Variants in EHBP1 observed in about 807,000 individuals in gnomAD.
EHBP1 encodes EH domain binding protein 1, also known as EH domain-binding protein 1.
In EHBP1, 55 loss-of-function variants were observed where a neutral mutation model predicts 144.0. The ratio of observed to expected loss-of-function variants is 0.38; its 90% CI spans 0.31 to 0.48. The LOEUF is 0.48. EHBP1 is among the 20% of genes least tolerant of loss of function. The pLI, the probability that EHBP1 is intolerant of heterozygous loss-of-function variation, is 0.98. For missense variants in EHBP1, 1,200 were observed against 1,364.2 expected (o/e 0.88, Z 1.90); for synonymous variants, 469 against 472.7 (o/e 0.99, Z 0.10).
At chr2:62,822,943 A>G (rs2046088722) in intron 5 of EHBP1, among the ~76,000 whole-genome samples, 1 of 152,144 alleles carries the variant, frequency 6.6e-6, no homozygotes, top group African/African-American at 2.4e-5. Flanking sequence ...AAAATAAGTG[A>G]CATTTTTAAA....
chr2:62,781,854 A>G (rs931068647), intron 5 of EHBP1, among the ~76,000 whole-genome samples: 3 of 152,234 alleles, frequency 2.0e-5, no homozygotes, highest in East Asian at 1.9e-4. Context: ...AAAATAAGCT[A>G]TATCAGCTGA....
chr2:62,807,592 T>G (rs1410205702), intron 5 of EHBP1, among the ~76,000 whole-genome samples: 1 of 152,168 alleles, frequency 6.6e-6, no homozygotes, highest in Non-Finnish European at 1.5e-5. Flanking sequence ...CCTTCATTTA[T>G]TTCTCCTTTG....
intron 3 of EHBP1, among the ~76,000 whole-genome samples, chr2:62,757,426 C>CTTTTTTTTTTTTTTTTTT (rs555494268): frequency 1.2e-4 from 14 of 113,038 alleles, no homozygotes; most frequent in Non-Finnish European, 2.0e-4. Context: ...TTTTTTTTTT[C>CTTTTTTTTTTTTTTTTTT]TTTTTTTTTT....
chr2:63,016,145 A>G (rs1034841816), intron 19 of EHBP1, among the ~76,000 whole-genome samples: 1 of 152,210 alleles, frequency 6.6e-6, no homozygotes, highest in African/African-American at 2.4e-5. Flanking sequence ...CTACAAAGTG[A>G]ATTTTTAACA....
At chr2:62,974,345 G>A (rs150618620) in intron 14 of EHBP1, among the ~76,000 whole-genome samples, 2 of 152,178 alleles carry the variant, frequency 1.3e-5, no homozygotes, top group African/African-American at 2.4e-5. Context: ...ATGACTAGTC[G>A]AGATTGTTTT....
intron 10 of EHBP1, among the ~76,000 whole-genome samples, chr2:62,877,946 C>T (rs534661777): frequency 2.6e-5 from 4 of 152,072 alleles, no homozygotes; most frequent in African/African-American, 4.8e-5. Context: ...ACAAACCAAC[C>T]GAAAGCTAGC....
intron 5 of EHBP1, among the ~76,000 whole-genome samples, chr2:62,774,626 A>G (rs1018987838): frequency 2.0e-5 from 3 of 152,096 alleles, no homozygotes; most frequent in African/African-American, 7.2e-5. Flanking sequence ...ATGGTGGTGT[A>G]TAAAACATAT....
At chr2:62,882,314 G>A (rs1348953851) in intron 10 of EHBP1, among the ~76,000 whole-genome samples, 1 of 152,018 alleles carries the variant, frequency 6.6e-6, no homozygotes, top group Non-Finnish European at 1.5e-5. Flanking sequence ...AGAGAAAGAG[G>A]GAAAAATGCT....
intron 5 of EHBP1, among the ~76,000 whole-genome samples, chr2:62,800,456 A>G (rs1573417189): frequency 1.3e-5 from 2 of 152,292 alleles, no homozygotes; most frequent in Admixed American, 6.5e-5. Flanking sequence ...TAAAAATTCC[A>G]GGACTGTATC....
At chr2:62,680,108 T>G (rs2033459009) in intron 1 of EHBP1, among the ~76,000 whole-genome samples, 1 of 152,208 alleles carries the variant, frequency 6.6e-6, no homozygotes, top group African/African-American at 2.4e-5. Context: ...TCCAACCTCA[T>G]GTCTTCTACA....
upstream of EHBP1, among the ~76,000 whole-genome samples, chr2:62,704,314 C>T (rs1309874253): frequency 6.6e-6 from 1 of 152,148 alleles, no homozygotes; most frequent in Non-Finnish European, 1.5e-5. Context: ...ATACTGGATT[C>T]AAGCCTTATA....
intron 2 of EHBP1, among the ~76,000 whole-genome samples, chr2:62,713,292 G>T (rs565758680): frequency 8.8e-5 from 13 of 147,648 alleles, no homozygotes; most frequent in Non-Finnish European, 1.5e-4. Flanking sequence ...ACACTCTGTT[G>T]CCCAGGGTGG....
chr2:62,840,063 G>A (rs934325946), intron 7 of EHBP1, among the ~76,000 whole-genome samples: 30 of 151,934 alleles, frequency 2.0e-4, no homozygotes, highest in Admixed American at 8.5e-4. Flanking sequence ...AAAGCTGGAG[G>A]CATCACACTA....
chr2:62,677,111 A>G (rs2033327679), intron 1 of EHBP1, among the ~76,000 whole-genome samples: 1 of 152,148 alleles, frequency 6.6e-6, no homozygotes, highest in East Asian at 1.9e-4. Flanking sequence ...GAGAAAGATC[A>G]CTTGAACTGG....
intron 19 of EHBP1, among the ~76,000 whole-genome samples, chr2:63,019,078 G>A (rs947288478): frequency 6.6e-6 from 1 of 151,960 alleles, no homozygotes; most frequent in Non-Finnish European, 1.5e-5. Flanking sequence ...CTTTGTGAAA[G>A]GGCCAAGACA....
At chr2:62,738,553 C>T (rs2038374609) in intron 2 of EHBP1, among the ~76,000 whole-genome samples, 1 of 152,160 alleles carries the variant, frequency 6.6e-6, no homozygotes, top group South Asian at 2.1e-4. Flanking sequence ...TGTCCTGCTC[C>T]ACTTTGGAAA....
At chr2:62,785,031 C>CT (rs1354446147) in intron 5 of EHBP1, among the ~76,000 whole-genome samples, 3 of 151,528 alleles carry the variant, frequency 2.0e-5, no homozygotes, top group East Asian at 1.9e-4. Flanking sequence ...ACCTTTCAAA[C>CT]TTTTTTTTAC....
intron 5 of EHBP1, among the ~76,000 whole-genome samples, chr2:62,807,098 G>A (rs1349628111): frequency 6.6e-6 from 1 of 152,064 alleles, no homozygotes; most frequent in Non-Finnish European, 1.5e-5. Flanking sequence ...TGACACTGAG[G>A]GCTGACTATA....
chr2:62,821,652 C>T (rs971610047), intron 5 of EHBP1, among the ~76,000 whole-genome samples: 3 of 152,134 alleles, frequency 2.0e-5, no homozygotes, highest in Non-Finnish European at 2.9e-5. Context: ...TGCACTCTAT[C>T]CTGGGTGACA....
Sources: allele counts gnomAD v4.1 joint callset (sites outside exome capture counted in the v4.1 genomes callset), GRCh38; gene constraint gnomAD v4.1.1; transcripts MANE v1.5; gene names NCBI Gene and HGNC (gene_info 2026-07-23, HGNC 2026-07-21).